SIK3: variants seen among roughly 807,000 people sequenced by gnomAD.
The protein encoded by SIK3 is serine/threonine-protein kinase SIK3.
In SIK3, 28 loss-of-function variants were observed where a neutral mutation model predicts 144.2. The ratio of observed to expected loss-of-function variants is 0.19; its 90% CI spans 0.14 to 0.27. SIK3 has a LOEUF of 0.27. SIK3 is among the 10% of genes least tolerant of loss of function. The probability of loss-of-function intolerance (pLI) is 1.00; values close to 1 mark genes in which losing one functional copy is unlikely to be tolerated. For missense variants in SIK3, 1,319 were observed against 1,776.0 expected (o/e 0.74, Z 4.62); for synonymous variants, 686 against 676.3 (o/e 1.01, Z -0.22).
At chr11:117,092,834 C>A (rs796303826) in intron 1 of SIK3, among the ~76,000 whole-genome samples, 1 of 152,130 alleles carries the variant, frequency 6.6e-6, no homozygotes, top group Admixed American at 6.5e-5. Context: ...CAGACTGAAG[C>A]CTGAAAAATG....
In SIK3 at chr11:116,883,933, T is replaced by TA. The variant is rs60785842; in HGVS notation, c.866-6892dup. Among the ~76,000 whole-genome samples, 191 of 145,118 alleles carry TA rather than the reference T, an allele frequency of 1.3e-3. 1 individual carries two copies. The highest frequency in any genetic ancestry group is 2.8e-3 in the African/African-American group (111 of 39,808). On this transcript the variant is annotated intron_variant, in intron 6 of 24. Transcript: ENST00000445177. ...TGGGTGACAGAGTGAGACTCTGTCTTAAAAAAAAAAAATGACATTTGTATA... is the reference window on the plus strand; with the variant it reads ...TGGGTGACAGAGTGAGACTCTGTCTTAAAAAAAAAAAAATGACATTTGTATA...
intron 4 of SIK3, 58 bp downstream of exon 4, chr11:116,927,161 T>A (rs978834785): frequency 2.3e-6 from 3 of 1,321,194 alleles, no homozygotes; most frequent in Non-Finnish European, 3.1e-6. Flanking sequence ...CCCTTGCTTA[T>A]AGAACCCCAA....
Position 117,098,203 on chromosome 11 carries a change from G to T in SIK3, c.213C>A (p.Thr71=). The T allele has an allele frequency of 1.3e-6, 2 of 1,522,332 alleles. No homozygotes were observed. The highest frequency in any genetic ancestry group is 1.8e-6 in the Non-Finnish European group (2 of 1,135,498). 94.3% of individuals were successfully genotyped at this position (1,522,332 alleles called of 1,614,324 possible). ...CCACCGCGAAGTTGCCCTTGCCGAT[G>T]GTGCGGTCGATCTCGTAGTAGCCGA... is the stretch of plus-strand genomic sequence containing the variant. ...ARIGYYEIDR[T]IGKGNFAVVK... is the part of the protein sequence containing the mutation. The change falls in exon 1 of 25, where the codon ACC becomes ACA. Residue 71 remains threonine (T), a synonymous_variant. Transcript: ENST00000445177.
chr11:117,023,149 C>T (rs1951844146), intron 1 of SIK3, among the ~76,000 whole-genome samples: 1 of 152,116 alleles, frequency 6.6e-6, no homozygotes, highest in Admixed American at 6.6e-5. Flanking sequence ...GTCAATCATT[C>T]TTATTAGCAG....
At chr11:117,074,859 G>A (rs1954438736) in intron 1 of SIK3, among the ~76,000 whole-genome samples, 1 of 151,910 alleles carries the variant, frequency 6.6e-6, no homozygotes, top group African/African-American at 2.4e-5. Flanking sequence ...CCAGGGAGGT[G>A]GAGGTTGCAG....
intron 1 of SIK3, among the ~76,000 whole-genome samples, chr11:117,050,829 A>G: frequency 6.6e-6 from 1 of 152,224 alleles, no homozygotes; most frequent in Non-Finnish European, 1.5e-5. Flanking sequence ...ACATTATAGG[A>G]CTCACAACTA....
chr11:116,966,720 T>C (rs1295319513), intron 1 of SIK3, among the ~76,000 whole-genome samples: 1 of 151,554 alleles, frequency 6.6e-6, no homozygotes, highest in African/African-American at 2.4e-5. Context: ...AAAGTTATGG[T>C]GGGAAATTAA....
At chr11:116,991,440 C>A (rs1950498743) in intron 1 of SIK3, among the ~76,000 whole-genome samples, 1 of 152,162 alleles carries the variant, frequency 6.6e-6, no homozygotes. Flanking sequence ...GAGCAAGGCG[C>A]TGTCTCAAAA....
At chr11:117,031,857 A>G (rs2135801787) in intron 1 of SIK3, among the ~76,000 whole-genome samples, 1 of 152,026 alleles carries the variant, frequency 6.6e-6, no homozygotes, top group East Asian at 1.9e-4. Flanking sequence ...TTATTTTTTA[A>G]GTGATGATCA....
chr11:117,064,265 T>G (rs1013469359), intron 1 of SIK3, among the ~76,000 whole-genome samples: 1 of 152,220 alleles, frequency 6.6e-6, no homozygotes, highest in South Asian at 2.1e-4. Context: ...ATCTAATTTA[T>G]AGTAGACTTC....
intron 1 of SIK3, among the ~76,000 whole-genome samples, chr11:117,030,370 G>A (rs1382585465): frequency 6.6e-6 from 1 of 151,968 alleles, no homozygotes; most frequent in Non-Finnish European, 1.5e-5. Flanking sequence ...ACATATGAAA[G>A]GAATGGTTAA....
intron 4 of SIK3, among the ~76,000 whole-genome samples, chr11:116,915,153 T>TGTGTGTGTGTGC (rs1182331838): frequency 2.7e-5 from 4 of 149,212 alleles, no homozygotes; most frequent in Admixed American, 1.4e-4. Context: ...TGTGTGTGTG[T>TGTGTGTGTGTGC]GTGTGTGTAT....
chr11:117,074,908 C>CAG (rs952977438), intron 1 of SIK3, among the ~76,000 whole-genome samples: 1 of 146,254 alleles, frequency 6.8e-6, no homozygotes, highest in South Asian at 2.1e-4. Context: ...GCCTGGGTGA[C>CAG]AGAGAGAGAC....
chr11:117,071,983 G>C (rs1954302103), intron 1 of SIK3, among the ~76,000 whole-genome samples: 1 of 151,940 alleles, frequency 6.6e-6, no homozygotes, highest in Admixed American at 6.6e-5. Context: ...GAGGCAGTGA[G>C]GAAACACACA....
intron 21 of SIK3, among the ~76,000 whole-genome samples, chr11:116,854,500 G>A (rs138662565): frequency 1.3e-5 from 2 of 152,336 alleles, no homozygotes; most frequent in Non-Finnish European, 2.9e-5. Flanking sequence ...AGCTGTTTAT[G>A]AGCTTGTTTT....
At chr11:117,024,694 G>A (rs1258761729) in intron 1 of SIK3, among the ~76,000 whole-genome samples, 2 of 152,138 alleles carry the variant, frequency 1.3e-5, no homozygotes, top group Non-Finnish European at 2.9e-5. Context: ...GAGCTCAGGA[G>A]TTCAAGACCA....
At chr11:116,955,000 C>T (rs1949085905) in intron 2 of SIK3, among the ~76,000 whole-genome samples, 1 of 152,206 alleles carries the variant, frequency 6.6e-6, no homozygotes, top group Non-Finnish European at 1.5e-5. Context: ...TCTAATACTA[C>T]TTTTTATTTA....
chr11:117,011,434 C>A (rs930934580), intron 1 of SIK3, among the ~76,000 whole-genome samples: 1 of 152,036 alleles, frequency 6.6e-6, no homozygotes, highest in Admixed American at 6.6e-5. Context: ...TTGTTTTGTA[C>A]CAACAACAGT....
chr11:116,896,270 G>C lies in SIK3; in HGVS notation c.848C>G (p.Pro283Arg). 1 of 1,613,730 alleles carries C rather than the reference G, an allele frequency of 6.2e-7. No individual in the cohort carries two copies. Among genetic ancestry groups the C allele is most frequent in the Non-Finnish European group, 8.5e-7 (1 of 1,179,720 alleles). The change falls in exon 6 of 25, where the codon CCA becomes CGA. Residue 283 changes from proline to arginine, a missense_variant. Pro to Arg is a moderately radical substitution (Grantham distance 103, BLOSUM62 -2). This residue lies in a region of SIK3 where 125 missense variants were observed against 285.2 expected (regional missense o/e 0.44). Coordinates refer to ENST00000445177, the MANE Select transcript of SIK3 (RefSeq NM_001366686.3). ...ARVLSGKFRI[P>R]FFMSTECEHL... ...TCCCTTACCTGTGGACATAAAAAAT[G>C]GGATGCGGAACTTTCCACTCAGCAC...
Sources: allele counts gnomAD v4.1 joint callset (sites outside exome capture counted in the v4.1 genomes callset), GRCh38; gene constraint gnomAD v4.1.1; regional missense constraint gnomAD v4.1.1; transcripts MANE v1.5; gene names NCBI Gene and HGNC (gene_info 2026-07-23, HGNC 2026-07-21).